The following HGSNAT variants were observed in gnomAD, a reference collection of about 807,000 sequenced individuals.
HGSNAT encodes transmembrane protein 76.
Under a neutral mutation model 85.2 loss-of-function variants are expected in HGSNAT, and 59 were observed. The observed-to-expected ratio is 0.69, with a 90% CI of 0.56 to 0.86. The LOEUF (loss-of-function observed/expected upper bound fraction) is 0.86, where lower values mean the gene tolerates loss of function less well. Among genes scored for constraint, HGSNAT ranks in the 40% least tolerant of loss-of-function variants. The pLI, the probability that HGSNAT is intolerant of heterozygous loss-of-function variation, is 0.00. For missense variants in HGSNAT, 756 were observed against 777.1 expected, an observed-to-expected ratio of 0.97 and a Z score of 0.32; for synonymous variants, 321 against 304.5, an observed-to-expected ratio of 1.05 and a Z score of -0.56.
In HGSNAT at chr8:43,140,493, G is replaced by A. The variant is rs1802475899; in HGVS notation, c.-4G>A. 2.9e-6 allele frequency: 3 copies of A among 1,018,116 alleles called. No individual in the cohort carries two copies. Among genetic ancestry groups the A allele is most frequent in the Non-Finnish European group, 3.5e-6 (3 of 852,276 alleles). The allele number at this position is 1,018,116 out of a possible 1,614,324, so 63.1% of individuals were successfully genotyped here. ...AGGCAAGGGCGGCCGAGCGGGCGGC[G>A]GGCATGAGCGGGGCGGGCAGGGCGC... On this transcript the variant is annotated 5_prime_UTR_variant, in exon 1 of 18. Transcript: ENST00000379644.
At chr8:43,149,030 C>T (rs1057159471) in intron 2 of HGSNAT, among the ~76,000 whole-genome samples, 4 of 151,548 alleles carry the variant, frequency 2.6e-5, no homozygotes, top group Admixed American at 1.3e-4. Context: ...GCAGGAGAAT[C>T]GTTTAACCCC....
At chr8:43,198,568 T>C (rs1225666066) in intron 17 of HGSNAT, among the ~76,000 whole-genome samples, 3 of 152,138 alleles carry the variant, frequency 2.0e-5, no homozygotes, top group Admixed American at 6.5e-5. Flanking sequence ...ATTACAGGCG[T>C]GAGCCACCGT....
intron 11 of HGSNAT, among the ~76,000 whole-genome samples, chr8:43,186,255 A>C (rs1388553369): frequency 1.3e-5 from 2 of 152,082 alleles, no homozygotes; most frequent in African/African-American, 2.4e-5. Flanking sequence ...TTGGTTGTGA[A>C]TCCATCTGGT....
intron 14 of HGSNAT, 149 bp from the exon 15 acceptor site, chr8:43,196,799 G>A: frequency 1.6e-6 from 1 of 637,042 alleles, no homozygotes. Context: ...AAAGGCAGAG[G>A]TGATGTTTCC....
At chr8:43,163,787 A>G (rs568892126) in intron 5 of HGSNAT, among the ~76,000 whole-genome samples, 1 of 152,170 alleles carries the variant, frequency 6.6e-6, no homozygotes. Flanking sequence ...AAGTGCTGGG[A>G]TTACAGGCGT....
intron 10 of HGSNAT, among the ~76,000 whole-genome samples, chr8:43,178,674 A>T (rs1378912235): frequency 7.0e-6 from 1 of 143,794 alleles, no homozygotes. Flanking sequence ...GCAGGGTCAT[A>T]GGACAATAGT....
rs772299811 is a variant in HGSNAT, at chr8:43,158,598, C to T, written c.258C>T (p.Asn86=). ...AGTGCTTGTTTCAGGTTCTGGTAAA[C>T]GTTCCTCAGAGTCCAAAAGCAGGGA... ...CYHCLFQVLV[N]VPQSPKAGKP... The change falls in exon 3 of 18, where the codon AAC becomes AAT. Residue 86 remains asparagine, a synonymous_variant. Transcript: ENST00000379644. The T allele has an allele frequency of 1.1e-5, 18 of 1,613,880 alleles. No individual in the cohort carries two copies. Among genetic ancestry groups the T allele is most frequent in the Non-Finnish European group, 1.4e-5 (16 of 1,179,844 alleles).
At chr8:43,154,675 A>C (rs1459950184) in intron 2 of HGSNAT, among the ~76,000 whole-genome samples, 1 of 152,204 alleles carries the variant, frequency 6.6e-6, no homozygotes, top group Non-Finnish European at 1.5e-5. Flanking sequence ...GTGTCTTTAT[A>C]GCAGCATGAT....
intron 2 of HGSNAT, among the ~76,000 whole-genome samples, chr8:43,152,942 A>C (rs922670386): frequency 2.0e-5 from 3 of 152,162 alleles, no homozygotes; most frequent in African/African-American, 7.2e-5. Flanking sequence ...TCATATGAAA[A>C]AGTAAATGAG....
rs1427346087 is a variant in HGSNAT at position 43,179,573 on chromosome 8, C to T, written c.1012+1339C>T. 3.4e-5 allele frequency among the ~76,000 whole-genome samples: 4 copies of T among 118,402 alleles called. No homozygotes were observed. In the East Asian group the frequency reaches 1.1e-3, roughly 32 times the overall value. The allele number at this position is 118,402 out of a possible 152,430, so 77.7% of individuals were successfully genotyped here. ...CTCCCTCCCGGACGGGGCGGCTGGC[C>T]GGACAGAGGGGCTCCTCACTTTCCA... On this transcript the variant is annotated intron_variant, in intron 10 of 17. Transcript: ENST00000379644.
intron 10 of HGSNAT, among the ~76,000 whole-genome samples, chr8:43,181,130 A>T (rs1257865629): frequency 5.1e-3 from 1 of 196 alleles, no homozygotes; most frequent in Non-Finnish European, 9.1e-3. Flanking sequence ...AGGGAGAGGG[A>T]GAGGGAGAGG....
chr8:43,174,495 T>C (rs1803742612), intron 9 of HGSNAT, among the ~76,000 whole-genome samples: 1 of 152,212 alleles, frequency 6.6e-6, no homozygotes. Flanking sequence ...TGATCATTCA[T>C]AGCTTCTTAT....
chr8:43,158,542 C>T (rs1396366611), intron 2 of HGSNAT, 33 bp from the exon 3 acceptor site: 1 of 1,613,064 alleles, frequency 6.2e-7, no homozygotes, highest in Non-Finnish European at 8.5e-7. Context: ...TGAAAAACCT[C>T]TGGCGGTTGA....
At position 43,200,203 on chromosome 8, in the gene HGSNAT, C is replaced by T. The variant is rs1804874167; in HGVS notation, c.*634C>T. On this transcript the variant is annotated 3_prime_UTR_variant, in exon 18 of 18. Coordinates refer to ENST00000379644, the MANE Select transcript of HGSNAT (RefSeq NM_152419.3). ...AAAATATCTATGTGTTATTCCCAAACCCTCTTACCTATGTATCTGCCTGTC... is the reference window on the plus strand; with the variant it reads ...AAAATATCTATGTGTTATTCCCAAATCCTCTTACCTATGTATCTGCCTGTC... 1 of 152,250 alleles carries T rather than the reference C, an allele frequency of 6.6e-6. No homozygotes were observed. The highest frequency in any genetic ancestry group is 6.5e-5 in the Admixed American group (1 of 15,282). 9.4% of individuals were successfully genotyped at this position (152,250 alleles called of 1,614,324 possible). A position where few individuals can be genotyped will look rare whatever the true frequency, so the allele number is the denominator to read the frequency against.
intron 9 of HGSNAT, 157 bp downstream of exon 9, chr8:43,173,900 A>G: frequency 4.1e-6 from 3 of 732,836 alleles, no homozygotes; most frequent in East Asian, 5.8e-5. Context: ...TACTTGACCC[A>G]GTGCCTACAC....
chr8:43,149,954 TTTTA>T (rs78016846), intron 2 of HGSNAT, among the ~76,000 whole-genome samples: 1 of 151,768 alleles, frequency 6.6e-6, no homozygotes, highest in Non-Finnish European at 1.5e-5. Flanking sequence ...AGACCTTTTA[TTTTA>T]TTTATTTATT....
Position 43,158,921 on chromosome 8 carries a change from A to G in HGSNAT, c.372-2A>G, listed in dbSNP as rs483352896. 23 of 1,603,344 alleles carry G rather than the reference A, an allele frequency of 1.4e-5. No individual in the cohort carries two copies. Among genetic ancestry groups the G allele is most frequent in the Admixed American group, 1.2e-4 (7 of 58,082 alleles). ...TGTCTTAATTTTACCTAATGTTTGT[A>G]GGTTGGAATACAGATTTGGAGAATT... On this transcript the variant is annotated splice_acceptor_variant, in intron 3 of 17. Coordinates refer to ENST00000379644, the MANE Select transcript of HGSNAT (RefSeq NM_152419.3). LOFTEE classifies it high-confidence loss of function.
At chr8:43,187,177 G>A (rs184349228) in intron 11 of HGSNAT, among the ~76,000 whole-genome samples, 1 of 152,282 alleles carries the variant, frequency 6.6e-6, no homozygotes, top group East Asian at 1.9e-4. Context: ...GCAGAGCTGA[G>A]TTCAATTCCT....
At chr8:43,140,669 T>G (rs879509126) in intron 1 of HGSNAT, 55 bp downstream of exon 1, 14 of 902,380 alleles carry the variant, frequency 1.6e-5, no homozygotes, top group Admixed American at 1.4e-4. Context: ...GCGTCTCCTC[T>G]CCGCGGCGCC....
Sources: gnomAD v4.1 joint callset for allele counts (sites outside exome capture counted in the v4.1 genomes callset) on GRCh38, gnomAD v4.1.1 for gene constraint, MANE v1.5 for transcripts, NCBI Gene and HGNC (gene_info 2026-07-23, HGNC 2026-07-21) for gene names.